The following STXBP5L variants were observed in gnomAD, a reference collection of about 807,000 sequenced individuals.
STXBP5L encodes syntaxin binding protein 5L.
STXBP5L carries 65 observed loss-of-function variants against 144.5 expected under a neutral mutation model. The observed-to-expected ratio is 0.45, with a 90% CI of 0.37 to 0.55. The LOEUF is 0.55. Ranked by LOEUF, STXBP5L falls within the 20% of genes least tolerant of loss-of-function variation. STXBP5L has a pLI of 0.00. For missense variants in STXBP5L, 1,298 were observed against 1,405.5 expected, an observed-to-expected ratio of 0.92 and a Z score of 1.22; for synonymous variants, 505 against 469.6, an observed-to-expected ratio of 1.08 and a Z score of -0.97.
Position 120,975,282 on chromosome 3 carries a change from G to T in STXBP5L, c.287+20245G>T, listed in dbSNP as rs560593289. ...ACGTCCCTTGTAAGTTGGATTCCTA[G>T]GTGTTTTATTCTCTTTGTAGCAATT... On this transcript the variant is annotated intron_variant, in intron 3 of 26. Transcript: ENST00000471454. Among the ~76,000 whole-genome samples the T allele has an allele frequency of 3.3e-3, 507 of 152,236 alleles. 3 individuals are homozygous for T. The highest frequency in any genetic ancestry group is 4.6e-3 in the Non-Finnish European group (314 of 68,012).
intron 5 of STXBP5L, among the ~76,000 whole-genome samples, chr3:121,095,524 A>C (rs1298344329): frequency 6.6e-6 from 1 of 151,866 alleles, no homozygotes; most frequent in Non-Finnish European, 1.5e-5. Flanking sequence ...TTCTCGCTTC[A>C]TTTCATTCAT....
chr3:121,333,446 T>A (rs1036896655), intron 20 of STXBP5L, among the ~76,000 whole-genome samples: 1 of 151,768 alleles, frequency 6.6e-6, no homozygotes, highest in Non-Finnish European at 1.5e-5. Flanking sequence ...ATTAACAACC[T>A]AATGTCACAA....
chr3:121,295,546 T>C (rs1485872122), intron 19 of STXBP5L, among the ~76,000 whole-genome samples: 2 of 152,100 alleles, frequency 1.3e-5, no homozygotes. Flanking sequence ...TTTACAAAAA[T>C]CAACAAAAAC....
intron 1 of STXBP5L, among the ~76,000 whole-genome samples, 170 bp from the exon 2 acceptor site, chr3:120,909,401 A>G (rs1708707346): frequency 6.6e-6 from 1 of 152,190 alleles, no homozygotes; most frequent in East Asian, 1.9e-4. Flanking sequence ...TGCTTTTTAG[A>G]ATTAAAATTT....
At chr3:121,324,492 G>A (rs775945702) in intron 20 of STXBP5L, 1 of 692,062 alleles carries the variant, frequency 1.4e-6, no homozygotes, top group Middle Eastern at 2.3e-4. Context: ...CCTTCCTTTA[G>A]GACTTGCTAC....
At chr3:121,051,802 G>A (rs1948024067) in intron 5 of STXBP5L, among the ~76,000 whole-genome samples, 1 of 152,098 alleles carries the variant, frequency 6.6e-6, no homozygotes, top group South Asian at 2.1e-4. Context: ...GCCAGGAGCT[G>A]GTTTTTCAAA....
intron 6 of STXBP5L, 111 bp downstream of exon 6, chr3:121,115,170 T>G: frequency 9.0e-7 from 1 of 1,108,920 alleles, no homozygotes; most frequent in Non-Finnish European, 1.3e-6. Flanking sequence ...TTATAATGAA[T>G]TTGAGTGAAA....
chr3:120,934,546 T>G (rs768124047), intron 2 of STXBP5L, among the ~76,000 whole-genome samples: 5 of 152,106 alleles, frequency 3.3e-5, no homozygotes, highest in Non-Finnish European at 5.9e-5. Flanking sequence ...ACTATATCTT[T>G]ACTAATTTTT....
At chr3:121,329,395 T>A (rs1331760493) in intron 20 of STXBP5L, among the ~76,000 whole-genome samples, 1 of 152,214 alleles carries the variant, frequency 6.6e-6, no homozygotes, top group African/African-American at 2.4e-5. Context: ...ACTAGTTAAT[T>A]ACTCATTATT....
chr3:121,121,211 T>G (rs2044445421), intron 6 of STXBP5L, among the ~76,000 whole-genome samples: 1 of 151,234 alleles, frequency 6.6e-6, no homozygotes, highest in Non-Finnish European at 1.5e-5. Context: ...GGGAAAATAA[T>G]CAGAGGAGAT....
intron 3 of STXBP5L, among the ~76,000 whole-genome samples, chr3:120,964,194 T>A (rs935653584): frequency 7.2e-5 from 11 of 152,196 alleles, no homozygotes; most frequent in Non-Finnish European, 1.0e-4. Context: ...TAGTGGTCTA[T>A]CAATTTTGTT....
chr3:121,041,865 A>T, intron 4 of STXBP5L, 84 bp downstream of exon 4: 1 of 893,774 alleles, frequency 1.1e-6, no homozygotes, highest in Non-Finnish European at 1.8e-6. Context: ...AAATACTGTG[A>T]TTCTAAATGC....
chr3:121,085,011 C>A (rs1030968807), intron 5 of STXBP5L, among the ~76,000 whole-genome samples: 5 of 151,662 alleles, frequency 3.3e-5, no homozygotes, highest in Admixed American at 2.0e-4. Context: ...GCATGTATGT[C>A]TTTTTTTGAG....
At chr3:121,018,942 G>C (rs970885568) in intron 3 of STXBP5L, among the ~76,000 whole-genome samples, 3 of 152,224 alleles carry the variant, frequency 2.0e-5, no homozygotes, top group Admixed American at 6.5e-5. Context: ...GAGCCTGCTT[G>C]CTTTCTCAGC....
intron 20 of STXBP5L, among the ~76,000 whole-genome samples, chr3:121,329,931 A>T (rs766351848): frequency 6.6e-6 from 1 of 152,154 alleles, no homozygotes; most frequent in South Asian, 2.1e-4. Flanking sequence ...CTACATAAAG[A>T]TACACTTATT....
At chr3:120,973,073 G>A (rs1053887534) in intron 3 of STXBP5L, among the ~76,000 whole-genome samples, 1 of 152,076 alleles carries the variant, frequency 6.6e-6, no homozygotes, top group African/African-American at 2.4e-5. Flanking sequence ...GTATCAAAAT[G>A]ATACTGGTTT....
intron 3 of STXBP5L, among the ~76,000 whole-genome samples, chr3:121,029,676 C>T (rs1428882434): frequency 6.6e-6 from 1 of 151,952 alleles, no homozygotes; most frequent in Non-Finnish European, 1.5e-5. Flanking sequence ...GCAAAATTGA[C>T]AAATGGGATC....
chr3:121,277,087 G>T (rs1017349715), intron 18 of STXBP5L, among the ~76,000 whole-genome samples: 4 of 151,926 alleles, frequency 2.6e-5, no homozygotes, highest in Admixed American at 2.0e-4. Flanking sequence ...TATAAATTGG[G>T]TAGCTTATAA....
chr3:120,966,948 C>G (rs1371533258), intron 3 of STXBP5L, among the ~76,000 whole-genome samples: 1 of 152,138 alleles, frequency 6.6e-6, no homozygotes, highest in Non-Finnish European at 1.5e-5. Context: ...CTGCAGTGGG[C>G]TCTGCCCAAT....
Sources: allele counts gnomAD v4.1 joint callset (sites outside exome capture counted in the v4.1 genomes callset), GRCh38; gene constraint gnomAD v4.1.1; transcripts MANE v1.5; gene names NCBI Gene and HGNC (gene_info 2026-07-23, HGNC 2026-07-21).